The following PSG3 variants were observed in gnomAD, a reference collection of about 807,000 sequenced individuals.
PSG3 encodes pregnancy specific beta-1-glycoprotein 3.
In PSG3, 61 loss-of-function variants were observed where a neutral mutation model predicts 47.5. The ratio of observed to expected loss-of-function variants is 1.28; its 90% CI spans 1.05 to 1.59. The LOEUF is 1.59. Among genes scored for constraint, PSG3 ranks in the 40% most tolerant of loss-of-function variants. PSG3 has a pLI of 0.00. For missense variants in PSG3, 756 were observed against 524.0 expected (o/e 1.44, Z -4.32); for synonymous variants, 263 against 198.4 (o/e 1.33, Z -2.74).
At chr19:42,736,653 TGTGTGTGC>T (rs1969568912) in intron 2 of PSG3, among the ~76,000 whole-genome samples, 1 of 118,828 alleles carries the variant, frequency 8.4e-6, no homozygotes, top group African/African-American at 2.7e-5. Context: ...TGTGTGTGTG[TGTGTGTGC>T]AGGAGGCCAG....
chr19:42,722,761 T>C (rs1282026382), intron 6 of PSG3, among the ~76,000 whole-genome samples: 1 of 152,210 alleles, frequency 6.6e-6, no homozygotes, highest in Non-Finnish European at 1.5e-5. Context: ...CTTATGTATG[T>C]TGAAAAAGGT....
intron 4 of PSG3, 28 bp downstream of exon 4, chr19:42,729,750 G>T: frequency 6.3e-7 from 1 of 1,590,752 alleles, no homozygotes; most frequent in Non-Finnish European, 8.5e-7. Flanking sequence ...CTGGTGTCCT[G>T]GCCCACAGAG....
chr19:42,724,167 G>T, intron 5 of PSG3, 142 bp from the exon 6 acceptor site: 1 of 1,384,710 alleles, frequency 7.2e-7, no homozygotes, highest in Non-Finnish European at 9.7e-7. Context: ...ATTGATAGGA[G>T]ATGATTATAT....
At position 42,721,882 on chromosome 19, in the gene PSG3, G is replaced by T; in HGVS notation, c.*249C>A. The T allele has an allele frequency of 4.8e-6, 2 of 414,860 alleles. No homozygotes were observed. Among genetic ancestry groups the T allele is most frequent in the South Asian group, 2.6e-4 (2 of 7,824 alleles). The allele number at this position is 414,860 out of a possible 1,614,324, so 25.7% of individuals were successfully genotyped here. A position where few individuals can be genotyped will look rare whatever the true frequency, so the allele number is the denominator to read the frequency against. On this transcript the variant is annotated 3_prime_UTR_variant, in exon 7 of 7. Coordinates refer to ENST00000327495, the MANE Select transcript of PSG3 (RefSeq NM_021016.4). ...TTTGACTATTTAGTCCAATAAAATT[G>T]GGTTTTTTTCTTTGTCTTGAATTTC...
At chr19:42,739,834 C>T (rs1600393475) in intron 1 of PSG3, among the ~76,000 whole-genome samples, 1 of 152,238 alleles carries the variant, frequency 6.6e-6, no homozygotes, top group East Asian at 1.9e-4. Context: ...TAAGATTTTC[C>T]TACCTCTTAC....
intron 2 of PSG3, among the ~76,000 whole-genome samples, chr19:42,734,779 C>G (rs78723980): frequency 1.3e-5 from 2 of 151,970 alleles, no homozygotes; most frequent in African/African-American, 4.8e-5. Flanking sequence ...AGGAAGGATG[C>G]CAAACTAAAA....
intron 4 of PSG3, 47 bp downstream of exon 4, chr19:42,729,731 T>A (rs775996185): frequency 1.3e-6 from 2 of 1,578,514 alleles, no homozygotes; most frequent in Middle Eastern, 2.0e-4. Flanking sequence ...CTGGTCGTTT[T>A]GATTTAAGCT....
intron 1 of PSG3, chr19:42,739,374 C>A (rs1185095173): frequency 2.8e-5 from 12 of 427,658 alleles, no homozygotes; most frequent in Non-Finnish European, 4.5e-5. Context: ...ACGGCCCCCT[C>A]CACACTGCCC....
intron 2 of PSG3, among the ~76,000 whole-genome samples, chr19:42,737,675 G>A (rs945104561): frequency 6.6e-6 from 1 of 152,300 alleles, no homozygotes; most frequent in Admixed American, 6.5e-5. Flanking sequence ...TGACTATAGG[G>A]TGATTGGAAC....
Position 42,738,868 on chromosome 19 carries a change from T to C in PSG3, c.286A>G (p.Ser96Gly), listed in dbSNP as rs548645436. 1.9e-6 allele frequency: 3 copies of C among 1,614,178 alleles called. No homozygotes were observed. The highest frequency in any genetic ancestry group is 1.3e-5 in the African/African-American group (1 of 75,044). ...TTGGAATATACTGTTTCTCGTCCACTGTATGCAGGCCCATATATAATTATT... is the reference window on the plus strand; with the variant it reads ...TTGGAATATACTGTTTCTCGTCCACCGTATGCAGGCCCATATATAATTATT... The part of the protein sequence containing the change: ...GQIIIYGPAY[S>G]GRETVYSNAS... Residue 96 changes from serine to glycine, a missense_variant, in exon 2 of 7, where the codon AGT becomes GGT. By Grantham distance (56) the Ser-to-Gly change is moderately conservative. Transcript: ENST00000327495.
At chr19:42,735,371 AT>A (rs199959614) in intron 2 of PSG3, among the ~76,000 whole-genome samples, 30 of 146,966 alleles carry the variant, frequency 2.0e-4, no homozygotes, top group South Asian at 1.7e-3. Flanking sequence ...CTCTAAAAAC[AT>A]TTTTTTTTTT....
At chr19:42,732,269 A>G in intron 3 of PSG3, 1 of 173,348 alleles carries the variant, frequency 5.8e-6, no homozygotes, top group Non-Finnish European at 1.3e-5. Context: ...CTTCCCATCA[A>G]TCAGCCAAGA....
intron 5 of PSG3, among the ~76,000 whole-genome samples, chr19:42,727,916 T>C (rs1403151665): frequency 1.3e-5 from 2 of 152,234 alleles, no homozygotes; most frequent in Non-Finnish European, 2.9e-5. Context: ...GGTGTATCTA[T>C]ACATTGAAAT....
At position 42,730,049 on chromosome 19, in the gene PSG3, C is replaced by G. The variant is rs753058736; in HGVS notation, c.717G>C (p.Leu239=). The G allele has an allele frequency of 4.3e-6, 7 of 1,612,258 alleles. No homozygotes were observed. The highest frequency in any genetic ancestry group is 5.9e-6 in the Non-Finnish European group (7 of 1,179,688). The change falls in exon 4 of 7, where the codon CTG becomes CTC. Residue 239 remains leucine (L), a synonymous_variant. Coordinates refer to ENST00000327495, the MANE Select transcript of PSG3 (RefSeq NM_021016.4). ...TGTTGATGGTGATGTAGGGCTTGGG[C>G]AGCTTCGCTGTGTGGATAACAGAGA... ...DPVTLNLLPK[L]PKPYITINNL... is the part of the protein sequence containing the mutation.
In PSG3 at chr19:42,734,349, G is replaced by A. The variant is rs534277667; in HGVS notation, c.431-1287C>T. The stretch of plus-strand genomic sequence containing the variant: ...TTTAAAATCCACAATGCGCCAGTGA[G>A]CACTTCTTTTTAGCATCACATCAGT... On this transcript the variant is annotated intron_variant, in intron 2 of 6. Coordinates refer to ENST00000327495, the MANE Select transcript of PSG3 (RefSeq NM_021016.4). 9.1e-4 allele frequency among the ~76,000 whole-genome samples: 138 copies of A among 152,282 alleles called. 1 individual carries two copies. The highest frequency in any genetic ancestry group is 3.1e-3 in the African/African-American group (129 of 41,542).
intron 2 of PSG3, among the ~76,000 whole-genome samples, chr19:42,736,485 T>C (rs1969564752): frequency 6.6e-6 from 1 of 152,166 alleles, no homozygotes; most frequent in Non-Finnish European, 1.5e-5. Context: ...GAAACTATCC[T>C]TGAAAATCTC....
At chr19:42,739,585 G>T (rs751155531) in intron 1 of PSG3, 1 of 166,030 alleles carries the variant, frequency 6.0e-6, no homozygotes, top group Non-Finnish European at 1.3e-5. Flanking sequence ...AGGGACTTTT[G>T]TGATCTTCTT....
chr19:42,738,780 A>T lies in PSG3; in HGVS notation c.374T>A (p.Val125Glu), dbSNP rs1969610427. Residue 125 changes from valine to glutamate, a missense_variant, in exon 2 of 7, where the codon GTA (valine) becomes GAA (glutamate). Val to Glu is a moderately radical substitution (Grantham distance 121). Transcript: ENST00000327495. ...TCCTCTAGTCCCATCACCTCGCTTT[A>T]CGATGTGTAAGGTGTAGGATCCTGC... is the stretch of plus-strand genomic sequence containing the variant. ...EDAGSYTLHIVKRGDGTRGET... is the reference protein window; with the variant it reads ...EDAGSYTLHIEKRGDGTRGET... 6.2e-7 allele frequency: 1 copy of T among 1,614,036 alleles called. No individual in the cohort carries two copies. The highest frequency in any genetic ancestry group is 8.5e-7 in the Non-Finnish European group (1 of 1,179,950).
In PSG3 at chr19:42,738,775, G is replaced by T. The variant is rs199594960; in HGVS notation, c.379C>A (p.Arg127=). The T allele has an allele frequency of 1.3e-4, 208 of 1,614,036 alleles. No individual in the cohort carries two copies. The highest frequency in any genetic ancestry group is 5.6e-4 in the African/African-American group (42 of 75,036). ...AGSYTLHIVK[R]GDGTRGETGH... is the part of the protein sequence containing the mutation. ...GTTTCTCCTCTAGTCCCATCACCTC[G>T]CTTTACGATGTGTAAGGTGTAGGAT... The change falls in exon 2 of 7, where the codon CGA becomes AGA. Residue 127 remains arginine (R), a synonymous_variant. Coordinates refer to ENST00000327495, the MANE Select transcript of PSG3 (RefSeq NM_021016.4).
Sources: gnomAD v4.1 joint callset for allele counts (sites outside exome capture counted in the v4.1 genomes callset) on GRCh38, gnomAD v4.1.1 for gene constraint, MANE v1.5 for transcripts, NCBI Gene and HGNC (gene_info 2026-07-23, HGNC 2026-07-21) for gene names.